CREM: variants seen among roughly 807,000 people sequenced by gnomAD.
CREM encodes the protein cAMP responsive element modulator.
CREM carries 13 observed loss-of-function variants against 37.3 expected under a neutral mutation model. The observed-to-expected ratio is 0.35, with a 90% CI of 0.23 to 0.55. CREM has a LOEUF of 0.55. CREM is among the 20% of genes least tolerant of loss of function. CREM has a pLI of 0.88. For synonymous variants in CREM, 124 were observed against 120.2 expected, an observed-to-expected ratio of 1.03 and a Z score of -0.21; for missense variants, 296 against 362.3, an observed-to-expected ratio of 0.82 and a Z score of 1.49.
intron 3 of CREM, among the ~76,000 whole-genome samples, chr10:35,158,820 T>C (rs1044757575): frequency 8.6e-5 from 7 of 81,758 alleles, no homozygotes; most frequent in African/African-American, 2.4e-4. Flanking sequence ...TTGTTTTGTT[T>C]GTTTTTTTTT....
chr10:35,157,639 A>G (rs2093001609), intron 3 of CREM, among the ~76,000 whole-genome samples: 1 of 150,192 alleles, frequency 6.7e-6, no homozygotes, highest in Non-Finnish European at 1.5e-5. Flanking sequence ...CTGTCTCAAA[A>G]AAAAAAAAAA....
intron 3 of CREM, among the ~76,000 whole-genome samples, chr10:35,165,236 G>A (rs1390305481): frequency 3.3e-5 from 5 of 151,958 alleles, no homozygotes; most frequent in African/African-American, 1.2e-4. Context: ...AGAAGGGGGA[G>A]CCAGGGTATC....
chr10:35,134,279 C>T (rs532016333), intron 1 of CREM, among the ~76,000 whole-genome samples: 21 of 152,210 alleles, frequency 1.4e-4, no homozygotes, highest in Admixed American at 6.5e-4. Flanking sequence ...TGCAGGGGCG[C>T]GATCTTGGCT....
chr10:35,160,985 C>T (rs35168556), intron 3 of CREM, among the ~76,000 whole-genome samples: 21,179 of 152,036 alleles, frequency 0.14, 1,687 homozygotes, highest in South Asian at 0.2. Flanking sequence ...TCTGGATACT[C>T]GCTGAAAGAC....
chr10:35,207,706 G>A (rs182686370), intron 7 of CREM, among the ~76,000 whole-genome samples: 55 of 152,188 alleles, frequency 3.6e-4, no homozygotes, highest in African/African-American at 1.1e-3. Context: ...CCCGGAAGGC[G>A]GAGCTTGCAG....
Position 35,211,593 on chromosome 10 carries a change from G to T in CREM, c.*195G>T. On this transcript the variant is annotated 3_prime_UTR_variant, in exon 8 of 8. Transcript: ENST00000685392. ...TGATCACACTTACCGAGCTTACTTT[G>T]ATCTGTTTGTCAATAGCATGCAAAA... 6.3e-7 allele frequency: 1 copy of T among 1,576,914 alleles called. No homozygotes were observed. The highest frequency in any genetic ancestry group is 1.2e-5 in the South Asian group (1 of 85,578).
At chr10:35,129,396 C>T (rs946468048) in intron 1 of CREM, among the ~76,000 whole-genome samples, 1 of 152,104 alleles carries the variant, frequency 6.6e-6, no homozygotes, top group Non-Finnish European at 1.5e-5. Flanking sequence ...ACTGCCTAAT[C>T]AAAATACAAA....
chr10:35,130,458 A>T (rs1464325472), intron 1 of CREM, among the ~76,000 whole-genome samples: 2 of 152,188 alleles, frequency 1.3e-5, no homozygotes, highest in East Asian at 3.8e-4. Context: ...GGATATCATT[A>T]GTGGAAATTT....
intron 5 of CREM, among the ~76,000 whole-genome samples, chr10:35,187,111 TATAAATATATAA>T (rs2094631235): frequency 1.3e-5 from 1 of 76,948 alleles, no homozygotes; most frequent in African/African-American, 5.5e-5. Context: ...ATATATATTA[TATAAATATATAA>T]ATATATTAAT....
intron 1 of CREM, among the ~76,000 whole-genome samples, chr10:35,132,501 ATC>A (rs1245911339): frequency 2.0e-5 from 3 of 152,214 alleles, no homozygotes; most frequent in Non-Finnish European, 4.4e-5. Flanking sequence ...GTAGCCGTGA[ATC>A]TATATTAGAG....
At chr10:35,163,846 A>C (rs2093411028) in intron 3 of CREM, among the ~76,000 whole-genome samples, 1 of 152,030 alleles carries the variant, frequency 6.6e-6, no homozygotes, top group Non-Finnish European at 1.5e-5. Flanking sequence ...CAAACAAAAA[A>C]AAACAATTAG....
chr10:35,183,386 G>A (rs2133342275), intron 5 of CREM, among the ~76,000 whole-genome samples: 1 of 152,296 alleles, frequency 6.6e-6, no homozygotes, highest in Non-Finnish European at 1.5e-5. Context: ...ACATTCGAAA[G>A]TTAATCCAGT....
intron 7 of CREM, 76 bp from the exon 8 acceptor site, chr10:35,211,178 G>A (rs771319699): frequency 4.6e-6 from 7 of 1,526,790 alleles, no homozygotes; most frequent in East Asian, 2.3e-5. Context: ...GAGTTCGGGG[G>A]GCAGAAGTGC....
intron 6 of CREM, chr10:35,195,166 C>T: frequency 6.2e-7 from 1 of 1,613,198 alleles, no homozygotes. Context: ...GGAAACAAGA[C>T]AGTTCTGTCT....
In CREM at chr10:35,155,586, CT is replaced by C. The variant is rs1314691367; in HGVS notation, c.168+7101del. ...AAAAGAAACATTAATTTTATAGTTT[CT>C]TTTTTGAGTAAGACTTAGGGATTCT... On this transcript the variant is annotated intron_variant, in intron 3 of 7. Coordinates refer to ENST00000685392, the MANE Select transcript of CREM (RefSeq NM_183011.2). Among the ~76,000 whole-genome samples, 2 of 151,196 alleles carry C rather than the reference CT, an allele frequency of 1.3e-5. 1 individual carries two copies. Among genetic ancestry groups the C allele is most frequent in the South Asian group, 4.2e-4 (2 of 4,802 alleles).
At chr10:35,173,552 T>A in intron 3 of CREM, among the ~76,000 whole-genome samples, 1 of 152,372 alleles carries the variant, frequency 6.6e-6, no homozygotes, top group South Asian at 2.1e-4. Flanking sequence ...CTTATTATTT[T>A]AAAATAAGTT....
chr10:35,140,490 C>T (rs902934737), intron 2 of CREM, among the ~76,000 whole-genome samples: 3 of 152,132 alleles, frequency 2.0e-5, no homozygotes, highest in Non-Finnish European at 4.4e-5. Flanking sequence ...ATAATAACAC[C>T]TGACAGTTGC....
chr10:35,137,515 A>G (rs988825841), intron 1 of CREM, among the ~76,000 whole-genome samples: 1 of 152,186 alleles, frequency 6.6e-6, no homozygotes, highest in East Asian at 1.9e-4. Context: ...TTTATCATTT[A>G]AGTTTTGTCA....
At chr10:35,187,579 ACTTT>A (rs2094706260) in intron 5 of CREM, among the ~76,000 whole-genome samples, 1 of 152,074 alleles carries the variant, frequency 6.6e-6, no homozygotes, top group South Asian at 2.1e-4. Flanking sequence ...CTTAAAAACT[ACTTT>A]CTTTTGATGA....
Sources: gnomAD v4.1 joint callset for allele counts (sites outside exome capture counted in the v4.1 genomes callset) on GRCh38, gnomAD v4.1.1 for gene constraint, MANE v1.5 for transcripts, NCBI Gene and HGNC (gene_info 2026-07-23, HGNC 2026-07-21) for gene names.